Variants in MTRES1 observed in about 807,000 individuals in gnomAD.
The protein encoded by MTRES1 is uncharacterized protein C6orf203.
A neutral mutation model predicts 17.4 loss-of-function variants in MTRES1; 11 were observed. The observed-to-expected ratio is 0.63, with a 90% CI of 0.40 to 1.05. MTRES1 has a LOEUF of 1.05. Among genes scored for constraint, MTRES1 ranks in the 50% least tolerant of loss-of-function variants. MTRES1 has a pLI of 0.00. For synonymous variants in MTRES1, 94 were observed against 99.6 expected (o/e 0.94, Z 0.34); for missense variants, 268 against 276.2 (o/e 0.97, Z 0.21).
intron 1 of MTRES1, chr6:107,030,040 A>G: frequency 1.4e-6 from 1 of 717,984 alleles, no homozygotes. Context: ...AAACTCTACA[A>G]GAATAGGAAT....
At chr6:107,032,726 G>GCATCCTTGAATGCTCATCCTCATT (rs1381160765) in intron 1 of MTRES1, among the ~76,000 whole-genome samples, 2 of 152,090 alleles carry the variant, frequency 1.3e-5, no homozygotes, top group Admixed American at 1.3e-4. Flanking sequence ...AAATGCCTGA[G>GCATCCTTGAATGCTCATCCTCATT]CATCCTTGAA....
intron 2 of MTRES1, chr6:107,040,696 C>G (rs1774171431): frequency 6.5e-6 from 1 of 153,114 alleles, no homozygotes; most frequent in African/African-American, 2.4e-5. Flanking sequence ...TGGTGAAACC[C>G]TGTCTCTACT....
chr6:107,029,967 C>T, intron 1 of MTRES1: 1 of 663,544 alleles, frequency 1.5e-6, no homozygotes, highest in Non-Finnish European at 2.7e-6. Context: ...CATTAACCAC[C>T]AGCTATCATA....
At position 107,051,450 on chromosome 6, in the gene MTRES1, TC is replaced by T. The variant is rs1554229248; in HGVS notation, c.*215del. On this transcript the variant is annotated 3_prime_UTR_variant, in exon 4 of 4. Transcript: ENST00000311381. The stretch of plus-strand genomic sequence containing the variant: ...CTTGATCCATGCTCCTTTGACCTCC[TC>T]GTGTGAGAACCCCTTTGCCAGAGTG... 6 of 481,844 alleles carry T rather than the reference TC, an allele frequency of 1.2e-5. No homozygotes were observed. Among genetic ancestry groups the T allele is most frequent in the Admixed American group, 7.3e-5 (2 of 27,310 alleles). 29.8% of individuals were successfully genotyped at this position (481,844 alleles called of 1,614,324 possible).
At chr6:107,045,201 G>C (rs1405055795) in intron 3 of MTRES1, among the ~76,000 whole-genome samples, 2 of 151,356 alleles carry the variant, frequency 1.3e-5, no homozygotes, top group African/African-American at 4.9e-5. Context: ...AAAAATTCTG[G>C]CTGGGCGCAG....
At chr6:107,034,192 A>G (rs1554226709) in intron 1 of MTRES1, among the ~76,000 whole-genome samples, 1 of 152,218 alleles carries the variant, frequency 6.6e-6, no homozygotes, top group Non-Finnish European at 1.5e-5. Flanking sequence ...GCATTCCTCA[A>G]AGTAAACAAC....
intron 2 of MTRES1, among the ~76,000 whole-genome samples, chr6:107,041,374 A>G (rs537519823): frequency 6.7e-6 from 1 of 148,238 alleles, no homozygotes; most frequent in Non-Finnish European, 1.5e-5. Flanking sequence ...TAGTTTAGAG[A>G]GTGGTTGCTA....
intron 1 of MTRES1, among the ~76,000 whole-genome samples, chr6:107,033,636 G>A (rs1350874864): frequency 6.6e-6 from 1 of 152,018 alleles, no homozygotes; most frequent in Non-Finnish European, 1.5e-5. Flanking sequence ...AGCTAACATG[G>A]TGAAACCCCG....
At chr6:107,037,210 C>T (rs996383903) in intron 1 of MTRES1, among the ~76,000 whole-genome samples, 3 of 152,184 alleles carry the variant, frequency 2.0e-5, no homozygotes, top group Non-Finnish European at 4.4e-5. Flanking sequence ...CTCCCAGGTT[C>T]AAGCACCCGC....
At chr6:107,050,253 T>C (rs1774548579) in intron 3 of MTRES1, among the ~76,000 whole-genome samples, 2 of 152,232 alleles carry the variant, frequency 1.3e-5, no homozygotes, top group Admixed American at 1.3e-4. Context: ...CAACTCTGCT[T>C]TCTGTGGCAT....
At chr6:107,030,490 T>C (rs1180254621) in intron 1 of MTRES1, among the ~76,000 whole-genome samples, 7 of 152,142 alleles carry the variant, frequency 4.6e-5, no homozygotes, top group African/African-American at 1.7e-4. Context: ...TGGGACACAG[T>C]CTGGAGGAAA....
At chr6:107,044,400 G>A in intron 3 of MTRES1, 68 bp downstream of exon 3, 2 of 1,299,074 alleles carry the variant, frequency 1.5e-6, no homozygotes, top group East Asian at 2.3e-5. Context: ...CTCAATTAAT[G>A]CTGTCCCAAA....
At chr6:107,050,970 A>C in intron 3 of MTRES1, 87 bp from the exon 4 acceptor site, 1 of 1,083,062 alleles carries the variant, frequency 9.2e-7, no homozygotes. Context: ...GGTCATGATC[A>C]TGTGGTGAAA....
intron 3 of MTRES1, among the ~76,000 whole-genome samples, chr6:107,048,066 T>C (rs1554228622): frequency 6.6e-6 from 1 of 152,118 alleles, no homozygotes; most frequent in African/African-American, 2.4e-5. Context: ...ATGTGAGACC[T>C]CATCTCTTTA....
intron 1 of MTRES1, among the ~76,000 whole-genome samples, chr6:107,031,292 CTA>C (rs1773827163): frequency 1.3e-5 from 2 of 148,154 alleles, no homozygotes; most frequent in Non-Finnish European, 3.0e-5. Flanking sequence ...AGGTGGGAGA[CTA>C]TGGCTTGAAC....
chr6:107,035,112 G>A (rs930490935), intron 1 of MTRES1, among the ~76,000 whole-genome samples: 114 of 152,184 alleles, frequency 7.5e-4, no homozygotes, highest in African/African-American at 2.6e-3. Flanking sequence ...AACTGCACAA[G>A]GTCATCCCTC....
intron 1 of MTRES1, among the ~76,000 whole-genome samples, chr6:107,032,836 C>T (rs1554226595): frequency 1.3e-5 from 2 of 152,160 alleles, no homozygotes; most frequent in African/African-American, 4.8e-5. Flanking sequence ...CTTGATATTT[C>T]CCCATAGCTC....
intron 1 of MTRES1, among the ~76,000 whole-genome samples, chr6:107,037,924 G>A (rs1774065633): frequency 6.6e-6 from 1 of 152,024 alleles, no homozygotes; most frequent in Non-Finnish European, 1.5e-5. Flanking sequence ...TCATCATGTT[G>A]GCCAGGCTGG....
intron 1 of MTRES1, among the ~76,000 whole-genome samples, chr6:107,036,986 C>T (rs1399584646): frequency 6.6e-6 from 1 of 152,116 alleles, no homozygotes; most frequent in Admixed American, 6.6e-5. Context: ...CTTACTGTTG[C>T]CCAGGCTGGT....
Sources: allele counts gnomAD v4.1 joint callset (sites outside exome capture counted in the v4.1 genomes callset), GRCh38; gene constraint gnomAD v4.1.1; transcripts MANE v1.5; gene names NCBI Gene and HGNC (gene_info 2026-07-23, HGNC 2026-07-21).